Variants in PCDHGA3 observed in about 807,000 individuals in gnomAD.
The protein encoded by PCDHGA3 is protocadherin gamma subfamily A, 3.
A neutral mutation model predicts 58.5 loss-of-function variants in PCDHGA3; 40 were observed. The observed-to-expected ratio is 0.68, with a 90% CI of 0.53 to 0.89. PCDHGA3 has a LOEUF of 0.89. Ranked by LOEUF, PCDHGA3 falls within the 40% of genes least tolerant of loss-of-function variation. The pLI, the probability that PCDHGA3 is intolerant of heterozygous loss-of-function variation, is 0.00. For synonymous variants in PCDHGA3, 530 were observed against 525.7 expected (o/e 1.01, Z -0.11); for missense variants, 1,223 against 1,195.9 (o/e 1.02, Z -0.33).
chr5:141,388,756 A>G, intron 1 of PCDHGA3: 1 of 1,613,956 alleles, frequency 6.2e-7, no homozygotes, highest in South Asian at 1.1e-5. Flanking sequence ...ACCCAATTTG[A>G]CCTGAACTCT....
chr5:141,439,363 A>G (rs922889903), intron 1 of PCDHGA3, among the ~76,000 whole-genome samples: 2 of 152,208 alleles, frequency 1.3e-5, no homozygotes, highest in African/African-American at 2.4e-5. Context: ...TCAAACATCA[A>G]GAAGAAATAA....
At chr5:141,503,598 CAAAAAAA>C (rs765754054) in intron 2 of PCDHGA3, among the ~76,000 whole-genome samples, 8 of 65,766 alleles carry the variant, frequency 1.2e-4, no homozygotes, top group South Asian at 1.1e-3. Context: ...GACTCCAGCT[CAAAAAAA>C]AAAAAAAAAG....
intron 1 of PCDHGA3, chr5:141,404,627 G>GC (rs2094548617): frequency 6.2e-7 from 1 of 1,614,026 alleles, no homozygotes; most frequent in Non-Finnish European, 8.5e-7. Flanking sequence ...GAATGACAAT[G>GC]CCCCAGAAAT....
Position 141,511,345 on chromosome 5 carries a change from TC to T in PCDHGA3, c.*179del, listed in dbSNP as rs535135679. On this transcript the variant is annotated 3_prime_UTR_variant, in exon 4 of 4. Coordinates refer to ENST00000253812, the MANE Select transcript of PCDHGA3 (RefSeq NM_018916.4). ...AAGTGCCCAGTCAGCACCTACCCCTTCCCCCCCAGGGGGTTGAATATGCAAA... is the reference window on the plus strand; with the variant it reads ...AAGTGCCCAGTCAGCACCTACCCCTTCCCCCCAGGGGGTTGAATATGCAAA... The T allele has an allele frequency of 2.2e-5, 31 of 1,410,342 alleles. No individual in the cohort carries two copies. Among genetic ancestry groups the T allele is most frequent in the South Asian group, 2.9e-5 (2 of 68,200 alleles). 87.4% of individuals were successfully genotyped at this position (1,410,342 alleles called of 1,614,324 possible). A position where few individuals can be genotyped will look rare whatever the true frequency, so the allele number is the denominator to read the frequency against.
chr5:141,491,118 T>C lies in PCDHGA3; in HGVS notation c.2425-3689T>C, dbSNP rs1421005816. Reference sequence around the variant, plus strand: ...TGTTCCTCGTGTCTACACACACTGGTGAGGTGCGCACAGCCCGGGCCTTAC... The same window carrying C: ...TGTTCCTCGTGTCTACACACACTGGCGAGGTGCGCACAGCCCGGGCCTTAC... On this transcript the variant is annotated intron_variant, in intron 1 of 3. Coordinates refer to ENST00000253812, the MANE Select transcript of PCDHGA3 (RefSeq NM_018916.4). This position sits in a 1 kb window ranked among gnomAD's most constrained non-coding sequence, Gnocchi z 6.9. The C allele has an allele frequency of 1.2e-6, 2 of 1,613,926 alleles. No homozygotes were observed. Among genetic ancestry groups the C allele is most frequent in the African/African-American group, 2.7e-5 (2 of 74,890 alleles).
intron 3 of PCDHGA3, chr5:141,506,988 A>G (rs1364718512): frequency 1.3e-5 from 2 of 152,192 alleles, no homozygotes; most frequent in Non-Finnish European, 2.9e-5. Context: ...CTGATTTCTC[A>G]CACTCGACAG....
chr5:141,397,375 T>C (rs2093516481), intron 1 of PCDHGA3, among the ~76,000 whole-genome samples: 1 of 152,174 alleles, frequency 6.6e-6, no homozygotes, highest in South Asian at 2.1e-4. Context: ...TGTTTGGGGA[T>C]TGGTATAAAA....
chr5:141,392,802 A>G (rs2092597829), intron 1 of PCDHGA3: 7 of 1,572,582 alleles, frequency 4.5e-6, no homozygotes, highest in Non-Finnish European at 6.0e-6. Context: ...AGGATTCTGC[A>G]GCAAAACAAC....
chr5:141,375,250 T>C (rs1771286937), intron 1 of PCDHGA3: 3 of 1,613,664 alleles, frequency 1.9e-6, no homozygotes, highest in Non-Finnish European at 2.5e-6. Context: ...TCCCGAGAAG[T>C]CTCCCATTTG....
At chr5:141,384,531 C>T (rs762355289) in intron 1 of PCDHGA3, 11 of 1,614,116 alleles carry the variant, frequency 6.8e-6, no homozygotes, top group African/African-American at 2.7e-5. Context: ...CTCTCAGCAG[C>T]AACATGTCAC....
At chr5:141,389,160 G>C in intron 1 of PCDHGA3, 4 of 1,613,996 alleles carry the variant, frequency 2.5e-6, no homozygotes, top group Non-Finnish European at 3.4e-6. Flanking sequence ...AACAGATCGG[G>C]GCAAGCCTCC....
intron 1 of PCDHGA3, chr5:141,398,647 C>T: frequency 6.2e-7 from 1 of 1,614,070 alleles, no homozygotes; most frequent in Non-Finnish European, 8.5e-7. Context: ...TAAACTCTCT[C>T]TTAACCCAAG....
chr5:141,375,785 C>G, intron 1 of PCDHGA3: 1 of 1,614,256 alleles, frequency 6.2e-7, no homozygotes, highest in Non-Finnish European at 8.5e-7. Context: ...CCCCGCCCTC[C>G]CCACAGACGG....
At position 141,345,702 on chromosome 5, in the gene PCDHGA3, G is replaced by A. The variant is rs772237828; in HGVS notation, c.1669G>A (p.Asp557Asn). Residue 557 changes from aspartate (D) to asparagine (N), a missense_variant, in exon 1 of 4, where the codon GAC (aspartate) becomes AAC (asparagine). Physicochemically the swap from Asp to Asn is conservative, Grantham distance 23 (BLOSUM62 1). This residue lies in a region of PCDHGA3 where 791 missense variants were observed against 708.5 expected (regional missense o/e 1.12). Coordinates refer to ENST00000253812, the MANE Select transcript of PCDHGA3 (RefSeq NM_018916.4). ...GAACCTGTTCGTGCTGGACCAGAAC[G>A]ACAACGCGCCCGAGATCCTGTACCC... ...SLNLFVLDQNDNAPEILYPAL... is the reference protein window; with the variant it reads ...SLNLFVLDQNNNAPEILYPAL... 4 of 1,614,088 alleles carry A rather than the reference G, an allele frequency of 2.5e-6. No homozygotes were observed. In the African/African-American group the frequency reaches 4.0e-5, roughly 16 times the overall value.
chr5:141,398,732 G>A (rs747131946), intron 1 of PCDHGA3: 4 of 1,613,778 alleles, frequency 2.5e-6, no homozygotes, highest in Admixed American at 1.7e-5. Flanking sequence ...ACCTTAGACC[G>A]GGAACAACAG....
chr5:141,369,142 G>A (rs1302830150), intron 1 of PCDHGA3, among the ~76,000 whole-genome samples: 1 of 152,140 alleles, frequency 6.6e-6, no homozygotes, highest in Non-Finnish European at 1.5e-5. Context: ...ATGGAAAATG[G>A]CATGTTATTG....
intron 1 of PCDHGA3, chr5:141,413,182 G>A (rs752788034): frequency 6.2e-7 from 1 of 1,604,164 alleles, no homozygotes; most frequent in Non-Finnish European, 8.5e-7. Context: ...TACAATGGCC[G>A]CTCAAAGGAA....
At chr5:141,374,155 G>C in intron 1 of PCDHGA3, 1 of 1,612,144 alleles carries the variant, frequency 6.2e-7, no homozygotes, top group Non-Finnish European at 8.5e-7. Flanking sequence ...GGACGCTGTG[G>C]GGGGCCGCGG....
intron 1 of PCDHGA3, chr5:141,389,495 G>A (rs751415442): frequency 4.3e-6 from 7 of 1,613,020 alleles, no homozygotes; most frequent in Non-Finnish European, 5.9e-6. Context: ...ACCAGGGCTC[G>A]CCAGCGCTCA....
Sources: gnomAD v4.1 joint callset for allele counts (sites outside exome capture counted in the v4.1 genomes callset) on GRCh38, gnomAD v4.1.1 for gene constraint, gnomAD v4.1.1 regional missense constraint, Gnocchi (gnomAD v3.1) non-coding constraint, MANE v1.5 for transcripts, NCBI Gene and HGNC (gene_info 2026-07-23, HGNC 2026-07-21) for gene names.